Variants in NUF2 observed in about 807,000 individuals in gnomAD.
NUF2 encodes NUF2 component of NDC80 kinetochore complex, also known as kinetochore protein Nuf2.
NUF2 carries 34 observed loss-of-function variants against 61.8 expected under a neutral mutation model. The observed-to-expected ratio is 0.55, with a 90% CI of 0.42 to 0.73. NUF2 has a LOEUF of 0.73. Among genes scored for constraint, NUF2 ranks in the 30% least tolerant of loss-of-function variants. NUF2 has a pLI of 0.00. For missense variants in NUF2, 445 were observed against 539.1 expected, an observed-to-expected ratio of 0.83 and a Z score of 1.73; for synonymous variants, 172 against 181.6, an observed-to-expected ratio of 0.95 and a Z score of 0.42.
chr1:163,330,405 C>T (rs1182737722), intron 5 of NUF2, among the ~76,000 whole-genome samples: 1 of 152,150 alleles, frequency 6.6e-6, no homozygotes, highest in African/African-American at 2.4e-5. Flanking sequence ...TATTTTTGAG[C>T]TCGCTATTCT....
chr1:163,339,435 G>A lies in NUF2; in HGVS notation c.564G>A (p.Gln188=). 2.5e-6 allele frequency: 4 copies of A among 1,612,818 alleles called. No individual in the cohort carries two copies. Among genetic ancestry groups the A allele is most frequent in the Non-Finnish European group, 3.4e-6 (4 of 1,179,006 alleles). The change falls in exon 8 of 14, where the codon CAG becomes CAA. Residue 188 remains glutamine, a synonymous_variant. Transcript: ENST00000271452. ...EEFKQLSDGI[Q]ELQQSLNQDF... is the part of the protein sequence containing the mutation. ...TCAAGCAGCTTTCAGATGGAATTCA[G>A]GAGCTACAACAATCACTAAATCAGG...
chr1:163,331,230 T>TA (rs1650589849), intron 5 of NUF2, among the ~76,000 whole-genome samples: 1 of 151,912 alleles, frequency 6.6e-6, no homozygotes, highest in African/African-American at 2.4e-5. Context: ...TGAGAGTTTT[T>TA]ATCATGAAGG....
rs375668189 is a variant in NUF2, at chr1:163,345,805, G to A, written c.935G>A (p.Ser312Asn). 2.1e-5 allele frequency: 33 copies of A among 1,602,184 alleles called. No homozygotes were observed. The African/African-American group carries it at 4.2e-4, about 20-fold the overall frequency. ...DLSDNREKLA[S>N]ILKESLNLED... ...TCAGATAATAGGGAAAAATTAGCCA[G>A]TATCTTAAAGGAGGTTTGTATTGTA... is the stretch of plus-strand genomic sequence containing the variant. The change falls in exon 11 of 14, where the codon AGT becomes AAT. Residue 312 changes from serine to asparagine, a missense_variant. Transcript: ENST00000271452.
chr1:163,340,114 A>G, intron 8 of NUF2: 2 of 433,052 alleles, frequency 4.6e-6, no homozygotes, highest in Non-Finnish European at 8.0e-6. Context: ...CTTTCAACTT[A>G]TATGTATTAT....
chr1:163,355,115 C>T (rs1475831285), intron 13 of NUF2, among the ~76,000 whole-genome samples: 1 of 112,390 alleles, frequency 8.9e-6, no homozygotes, highest in East Asian at 2.8e-4. Context: ...TCTCATGTCG[C>T]TCCTTTGTTC....
chr1:163,352,800 A>G (rs1651366185), intron 13 of NUF2, among the ~76,000 whole-genome samples: 2 of 152,166 alleles, frequency 1.3e-5, no homozygotes, highest in Middle Eastern at 3.4e-3. Context: ...CGGGAGGCGG[A>G]GCTTGCAGCG....
At chr1:163,346,178 C>T (rs1651121626) in intron 11 of NUF2, 2 of 152,494 alleles carry the variant, frequency 1.3e-5, no homozygotes, top group South Asian at 4.2e-4. Context: ...TATGTTTTTT[C>T]CTTTATGTAC....
intron 5 of NUF2, among the ~76,000 whole-genome samples, chr1:163,331,025 CTT>C (rs35181525): frequency 0.31 from 41,177 of 134,788 alleles, 5,991 homozygotes; most frequent in Middle Eastern, 0.43. Flanking sequence ...GCCTTTTATT[CTT>C]TTTTTTTTTT....
Position 163,339,264 on chromosome 1 carries a change from G to T in NUF2, c.510-117G>T. 1.3e-5 allele frequency: 8 copies of T among 634,350 alleles called. 1 individual carries two copies. In the South Asian group the frequency reaches 1.6e-4, roughly 13 times the overall value. The allele number at this position is 634,350 out of a possible 1,614,324, so 39.3% of individuals were successfully genotyped here. A position where few individuals can be genotyped will look rare whatever the true frequency, so the allele number is the denominator to read the frequency against. ...TTAAATGATTGCCACATGAAAGGGT[G>T]TAATTCAGAAACATAAAAGTAGACA... is the stretch of plus-strand genomic sequence containing the variant. On this transcript the variant is annotated intron_variant, in intron 7 of 13. Transcript: ENST00000271452.
chr1:163,338,113 G>T lies in NUF2; in HGVS notation c.509+20G>T, dbSNP rs1650824014. On this transcript the variant is annotated intron_variant, in intron 7 of 13. Transcript: ENST00000271452. ...ACTTGAGTAAGTGGGAGATTTACAA[G>T]TAAAATAAATGCAATTTCAAAATGC... The T allele has an allele frequency of 6.3e-7, 1 of 1,586,244 alleles. No individual in the cohort carries two copies.
At chr1:163,346,575 CTGGGCA>C (rs2101687335) in intron 11 of NUF2, among the ~76,000 whole-genome samples, 1 of 152,260 alleles carries the variant, frequency 6.6e-6, no homozygotes, top group Non-Finnish European at 1.5e-5. Context: ...AGGGTCAGGG[CTGGGCA>C]TGGTGGCTCA....
At chr1:163,342,802 A>G (rs1650990329) in intron 9 of NUF2, among the ~76,000 whole-genome samples, 1 of 152,086 alleles carries the variant, frequency 6.6e-6, no homozygotes, top group African/African-American at 2.4e-5. Flanking sequence ...CCTTTTTCCA[A>G]CATCATATGC....
At chr1:163,329,392 A>G (rs1441034943) in intron 5 of NUF2, among the ~76,000 whole-genome samples, 1 of 152,202 alleles carries the variant, frequency 6.6e-6, no homozygotes, top group East Asian at 1.9e-4. Flanking sequence ...TGGTGTGTGT[A>G]TTAGGCTATT....
At chr1:163,328,514 T>G (rs1270362913) in intron 4 of NUF2, 5 of 510,224 alleles carry the variant, frequency 9.8e-6, no homozygotes. Context: ...TATTTTCAAT[T>G]GAACTTCTAA....
intron 11 of NUF2, among the ~76,000 whole-genome samples, chr1:163,346,486 C>G (rs972431912): frequency 6.6e-6 from 1 of 151,970 alleles, no homozygotes; most frequent in African/African-American, 2.4e-5. Context: ...ACTATGATGT[C>G]GACAGTTGGA....
intron 13 of NUF2, 133 bp downstream of exon 13, chr1:163,349,213 T>C: frequency 1.4e-6 from 1 of 726,354 alleles, no homozygotes; most frequent in Non-Finnish European, 2.2e-6. Context: ...TTACTCTTTA[T>C]TCTTGTTTTG....
Position 163,326,022 on chromosome 1 carries a change from C to A in NUF2, c.-20-10C>A. The A allele has an allele frequency of 6.2e-7, 1 of 1,601,192 alleles. No homozygotes were observed. The highest frequency in any genetic ancestry group is 8.5e-7 in the Non-Finnish European group (1 of 1,172,112). ...CATGTGGTATTTCTCATTGTTTTTTCTTCCTTCAGATTAACAGGAAACTTC... is the reference window on the plus strand; with the variant it reads ...CATGTGGTATTTCTCATTGTTTTTTATTCCTTCAGATTAACAGGAAACTTC... On this transcript the variant is annotated splice_polypyrimidine_tract_variant and intron_variant, in intron 1 of 13. Transcript: ENST00000271452.
intron 9 of NUF2, among the ~76,000 whole-genome samples, chr1:163,340,701 T>C (rs1650914900): frequency 6.6e-6 from 1 of 152,204 alleles, no homozygotes; most frequent in African/African-American, 2.4e-5. Context: ...TATGCATGTG[T>C]AATTTTACAT....
chr1:163,342,830 C>T (rs1370485987), intron 9 of NUF2, among the ~76,000 whole-genome samples: 1 of 152,134 alleles, frequency 6.6e-6, no homozygotes, highest in Non-Finnish European at 1.5e-5. Flanking sequence ...TATAGAGGCA[C>T]ATAATCATGT....
Sources: gnomAD v4.1 joint callset for allele counts (sites outside exome capture counted in the v4.1 genomes callset) on GRCh38, gnomAD v4.1.1 for gene constraint, MANE v1.5 for transcripts, NCBI Gene and HGNC (gene_info 2026-07-23, HGNC 2026-07-21) for gene names.